The following ARHGEF10 variants were observed in gnomAD, a reference collection of about 807,000 sequenced individuals.
The protein encoded by ARHGEF10 is Rho guanine nucleotide exchange factor 10.
A neutral mutation model predicts 147.4 loss-of-function variants in ARHGEF10; 140 were observed. The ratio of observed to expected loss-of-function variants is 0.95; its 90% CI spans 0.83 to 1.09. The LOEUF is 1.09. Ranked by LOEUF, ARHGEF10 falls within the 50% of genes least tolerant of loss-of-function variation. The pLI is 0.00. For synonymous variants in ARHGEF10, 902 were observed against 695.8 expected, an observed-to-expected ratio of 1.30 and a Z score of -4.67; for missense variants, 2,222 against 1,752.7, an observed-to-expected ratio of 1.27 and a Z score of -4.78.
intron 27 of ARHGEF10, among the ~76,000 whole-genome samples, chr8:1,951,952 G>A (rs1290512773): frequency 2.6e-5 from 4 of 152,252 alleles, no homozygotes; most frequent in African/African-American, 9.6e-5. Context: ...TGTAACCGCC[G>A]TGAGGCGGGG....
At chr8:1,846,723 C>T (rs1005179266) in intron 2 of ARHGEF10, among the ~76,000 whole-genome samples, 3 of 152,118 alleles carry the variant, frequency 2.0e-5, no homozygotes, top group Non-Finnish European at 4.4e-5. Context: ...ATTATAGACA[C>T]CTGCCACCAT....
chr8:1,958,341 G>C lies in ARHGEF10; in HGVS notation c.*1078G>C, dbSNP rs564432766. 6.6e-6 allele frequency: 1 copy of C among 152,310 alleles called. No homozygotes were observed. Among genetic ancestry groups the C allele is most frequent in the Admixed American group, 6.5e-5 (1 of 15,290 alleles). The allele number at this position is 152,310 out of a possible 1,614,324, so 9.4% of individuals were successfully genotyped here. A position where few individuals can be genotyped will look rare whatever the true frequency, so the allele number is the denominator to read the frequency against. Reference sequence around the variant, plus strand: ...TGCAGAGCCAGCCCCGCGTGAGAACGTGCATAATGAGTGCACACCATCATG... The same window carrying C: ...TGCAGAGCCAGCCCCGCGTGAGAACCTGCATAATGAGTGCACACCATCATG... On this transcript the variant is annotated 3_prime_UTR_variant, in exon 29 of 29. Transcript: ENST00000349830.
chr8:1,906,496 G>A (rs1810903247), intron 17 of ARHGEF10, among the ~76,000 whole-genome samples: 1 of 152,174 alleles, frequency 6.6e-6, no homozygotes, highest in Non-Finnish European at 1.5e-5. Context: ...ACGTTTGCCA[G>A]CACACCACTA....
At chr8:1,866,247 C>T (rs1383975395) in intron 5 of ARHGEF10, among the ~76,000 whole-genome samples, 3 of 152,180 alleles carry the variant, frequency 2.0e-5, no homozygotes, top group Non-Finnish European at 4.4e-5. Context: ...CCTTCTAGGG[C>T]AAGGACCGTA....
intron 11 of ARHGEF10, among the ~76,000 whole-genome samples, chr8:1,889,483 G>A (rs1254296031): frequency 4.7e-5 from 3 of 63,820 alleles, no homozygotes; most frequent in Admixed American, 1.4e-4. Context: ...GACACTGAGT[G>A]GGGTGAGGGG....
rs1192765833 is a variant in ARHGEF10, at chr8:1,891,996, T to TA, written c.1183-1572dup. Among the ~76,000 whole-genome samples, 4 of 148,772 alleles carry TA rather than the reference T, an allele frequency of 2.7e-5. No homozygotes were observed. In the South Asian group the frequency reaches 6.2e-4, roughly 23 times the overall value. ...TACATATACATAATATAGGTACACA[T>TA]ATCAATAATATATATAGTATAATAT... On this transcript the variant is annotated intron_variant, in intron 11 of 28. Coordinates refer to ENST00000349830, the MANE Select transcript of ARHGEF10 (RefSeq NM_014629.4).
At chr8:1,923,748 G>T (rs1812471953) in intron 20 of ARHGEF10, 26 bp from the exon 21 acceptor site, 2 of 1,614,062 alleles carry the variant, frequency 1.2e-6, no homozygotes, top group Non-Finnish European at 8.5e-7. Context: ...TTTATAAAAT[G>T]AATGCTTGTC....
At chr8:1,943,386 T>G (rs918200157) in intron 26 of ARHGEF10, among the ~76,000 whole-genome samples, 1 of 152,062 alleles carries the variant, frequency 6.6e-6, no homozygotes, top group African/African-American at 2.4e-5. Flanking sequence ...CTCTGCAGGT[T>G]GGAGGTGGAG....
At position 1,845,908 on chromosome 8, in the gene ARHGEF10, GCT is replaced by G. The variant is rs1483936769; in HGVS notation, c.37+2473_37+2474del. Among the ~76,000 whole-genome samples, 338 of 152,346 alleles carry G rather than the reference GCT, an allele frequency of 2.2e-3. 3 individuals carry two copies. Among genetic ancestry groups the G allele is most frequent in the African/African-American group, 7.7e-3 (322 of 41,588 alleles). ...GTTCCCTGCAGCAGGACACTCCTCTGCTGGGGCTGGGGGTGTCTCCATAGCCC... is the reference window on the plus strand; with the variant it reads ...GTTCCCTGCAGCAGGACACTCCTCTGGGGGCTGGGGGTGTCTCCATAGCCC... On this transcript the variant is annotated intron_variant, in intron 2 of 28. Coordinates refer to ENST00000349830, the MANE Select transcript of ARHGEF10 (RefSeq NM_014629.4).
intron 18 of ARHGEF10, among the ~76,000 whole-genome samples, chr8:1,910,730 T>A (rs1811294150): frequency 6.6e-6 from 1 of 152,202 alleles, no homozygotes; most frequent in African/African-American, 2.4e-5. Context: ...CCTTTTAAAT[T>A]ATTTGGAAAC....
chr8:1,849,509 C>CAG lies in ARHGEF10; in HGVS notation c.37+6074_37+6075dup, dbSNP rs1265882292. On this transcript the variant is annotated intron_variant, in intron 2 of 28. Transcript: ENST00000349830. ...GGGGCGTGGGGCAGCCACGTGGACACAGGGCAAATGCTGAGGAGGGCGTGG... is the reference window on the plus strand; with the variant it reads ...GGGGCGTGGGGCAGCCACGTGGACACAGAGGGCAAATGCTGAGGAGGGCGTGG... 1.4e-4 allele frequency among the ~76,000 whole-genome samples: 17 copies of CAG among 124,866 alleles called. No individual in the cohort carries two copies. The East Asian group carries it at 2.3e-3, about 17-fold the overall frequency. The allele number at this position is 124,866 out of a possible 152,430, so 81.9% of individuals were successfully genotyped here. A position where few individuals can be genotyped will look rare whatever the true frequency, so the allele number is the denominator to read the frequency against.
Position 1,843,447 on chromosome 8 carries a change from T to C in ARHGEF10, c.37+11T>C. 1 of 1,609,098 alleles carries C rather than the reference T, an allele frequency of 6.2e-7. No individual in the cohort carries two copies. Among genetic ancestry groups the C allele is most frequent in the South Asian group, 1.1e-5 (1 of 90,848 alleles). Reference sequence around the variant, plus strand: ...CTCCCGCTCCTGCAGGTAACAGCACTCAGTAGGTGGGCCTGTGGGTCAGGT... The same window carrying C: ...CTCCCGCTCCTGCAGGTAACAGCACCCAGTAGGTGGGCCTGTGGGTCAGGT... On this transcript the variant is annotated intron_variant, in intron 2 of 28. Transcript: ENST00000349830.
intron 26 of ARHGEF10, among the ~76,000 whole-genome samples, chr8:1,936,985 G>A (rs1813668905): frequency 1.3e-5 from 2 of 152,050 alleles, no homozygotes; most frequent in African/African-American, 4.8e-5. Context: ...GTGCAGATGG[G>A]ACCTGGGTCC....
intron 2 of ARHGEF10, among the ~76,000 whole-genome samples, chr8:1,852,926 C>T (rs181638343): frequency 9.6e-4 from 146 of 152,306 alleles, no homozygotes; most frequent in African/African-American, 3.4e-3. Context: ...CAAGGGCTGG[C>T]CCCTGAATGC....
chr8:1,844,411 G>T, intron 2 of ARHGEF10, among the ~76,000 whole-genome samples: 1 of 152,006 alleles, frequency 6.6e-6, no homozygotes, highest in Non-Finnish European at 1.5e-5. Flanking sequence ...AGAGACGGGA[G>T]AATCCAGGGG....
chr8:1,908,714 TAC>T (rs1320153026), intron 17 of ARHGEF10, among the ~76,000 whole-genome samples: 10 of 149,864 alleles, frequency 6.7e-5, no homozygotes, highest in African/African-American at 2.3e-4. Context: ...CACTAGACTG[TAC>T]ATATGTGTTT....
intron 1 of ARHGEF10, among the ~76,000 whole-genome samples, chr8:1,826,974 C>G (rs1253489909): frequency 6.6e-6 from 1 of 152,222 alleles, no homozygotes; most frequent in African/African-American, 2.4e-5. Context: ...TCTGGGAGCT[C>G]TGCAGTGGAA....
Position 1,956,894 on chromosome 8 carries a change from A to G in ARHGEF10, c.3666A>G (p.Ala1222=). 6.2e-7 allele frequency: 1 copy of G among 1,613,998 alleles called. No homozygotes were observed. Among genetic ancestry groups the G allele is most frequent in the South Asian group, 1.1e-5 (1 of 91,064 alleles). ...CTCAGGACGAAGACCAGAAGGACGCACTTCCGAGTGGAGGAGCTGGTTCAT... is the reference window on the plus strand; with the variant it reads ...CTCAGGACGAAGACCAGAAGGACGCGCTTCCGAGTGGAGGAGCTGGTTCAT... ...PEPQDEDQKD[A]LPSGGAGSSL... The change falls in exon 29 of 29, where the codon GCA becomes GCG. Residue 1222 remains alanine, a synonymous_variant. Coordinates refer to ENST00000349830, the MANE Select transcript of ARHGEF10 (RefSeq NM_014629.4).
chr8:1,903,588 T>C (rs1410663765), intron 16 of ARHGEF10, 137 bp downstream of exon 16: 1 of 1,135,852 alleles, frequency 8.8e-7, no homozygotes, highest in Non-Finnish European at 1.3e-6. Context: ...CCGGGGTGGA[T>C]GGAGGCCTTC....
Sources: allele counts gnomAD v4.1 joint callset (sites outside exome capture counted in the v4.1 genomes callset), GRCh38; gene constraint gnomAD v4.1.1; transcripts MANE v1.5; gene names NCBI Gene and HGNC (gene_info 2026-07-23, HGNC 2026-07-21).